Variants in FGD2 observed in about 807,000 individuals in gnomAD.
The protein encoded by FGD2 is FYVE, RhoGEF and PH domain containing 2, also known as FYVE, RhoGEF and PH domain-containing protein 2.
Under a neutral mutation model 75.9 loss-of-function variants are expected in FGD2, and 52 were observed. The observed-to-expected ratio is 0.69, with a 90% confidence interval of 0.55 to 0.86. The LOEUF is 0.86. Ranked by LOEUF, FGD2 falls within the 40% of genes least tolerant of loss-of-function variation. The probability of loss-of-function intolerance (pLI) is 0.00; values close to 1 mark genes in which losing one functional copy is unlikely to be tolerated. For synonymous variants in FGD2, 347 were observed against 348.6 expected (o/e 1.00, Z 0.05); for missense variants, 790 against 872.0 (o/e 0.91, Z 1.18).
intron 9 of FGD2, among the ~76,000 whole-genome samples, chr6:37,019,103 T>C (rs967188443): frequency 6.6e-5 from 10 of 152,182 alleles, no homozygotes; most frequent in Non-Finnish European, 1.5e-4. Flanking sequence ...AAACCTTGGA[T>C]TTCTCCCTTC....
Position 37,020,757 on chromosome 6 carries a change from G to A in FGD2, c.1233+18G>A, listed in dbSNP as rs1439706838. 6.4e-7 allele frequency: 1 copy of A among 1,559,510 alleles called. No homozygotes were observed. Among genetic ancestry groups the A allele is most frequent in the African/African-American group, 1.4e-5 (1 of 73,450 alleles). ...GGATGCAGGTATGGGAACGCTCCGA[G>A]GCTTCTGGGAGTCTTTTTCCTTTCT... On this transcript the variant is annotated intron_variant, in intron 11 of 15. Transcript: ENST00000274963.
chr6:37,005,826 G>A lies in FGD2; in HGVS notation c.9G>A (p.Gly3=). The change falls in exon 1 of 16, where the codon GGG becomes GGA. Residue 3 remains glycine (G), a synonymous_variant. Transcript: ENST00000274963. ...CCCCGGAAACCGGCAGGATGAAGGG[G>A]GCAAGTGAGGAGAAGCTGGCATCTG... MK[G]ASEEKLASVS... is the part of the protein sequence containing the mutation. The A allele has an allele frequency of 6.2e-7, 1 of 1,613,862 alleles. No individual in the cohort carries two copies. Among genetic ancestry groups the A allele is most frequent in the South Asian group, 1.1e-5 (1 of 90,894 alleles).
At chr6:37,021,649 A>C in intron 12 of FGD2, 45 bp downstream of exon 12, 6 of 1,522,958 alleles carry the variant, frequency 3.9e-6, no homozygotes, top group Non-Finnish European at 5.4e-6. Flanking sequence ...ACCAACCCAA[A>C]TAGAGCTTGT....
chr6:37,026,951 T>C (rs1171108923), intron 14 of FGD2, among the ~76,000 whole-genome samples: 1 of 151,134 alleles, frequency 6.6e-6, no homozygotes, highest in Non-Finnish European at 1.5e-5. Flanking sequence ...GAGGTTGCAA[T>C]GTGTTGAGAT....
chr6:37,015,937 C>T lies in FGD2; in HGVS notation c.1122+77C>T, dbSNP rs563250382. The T allele has an allele frequency of 3.3e-5, 44 of 1,335,386 alleles. No individual in the cohort carries two copies. In the African/African-American group the frequency reaches 6.1e-4, roughly 19 times the overall value. The allele number at this position is 1,335,386 out of a possible 1,614,324, so 82.7% of individuals were successfully genotyped here. On this transcript the variant is annotated intron_variant, in intron 9 of 15. Transcript: ENST00000274963. Reference sequence around the variant, plus strand: ...TACAGGGAGTAAGAGGAGGGGCCAACCAGGTTCTCAATCACAGAACCAAAC... The same window carrying T: ...TACAGGGAGTAAGAGGAGGGGCCAATCAGGTTCTCAATCACAGAACCAAAC...
At chr6:37,014,747 C>A (rs1420061734) in intron 7 of FGD2, 43 bp downstream of exon 7, 1 of 1,612,852 alleles carries the variant, frequency 6.2e-7, no homozygotes, top group South Asian at 1.1e-5. Flanking sequence ...CCCCTCCCTG[C>A]AGGTCTCAGC....
At chr6:37,011,953 G>T (rs1765032578) in intron 4 of FGD2, 99 bp downstream of exon 4, 2 of 1,374,952 alleles carry the variant, frequency 1.5e-6, no homozygotes, top group Non-Finnish European at 1.9e-6. Context: ...CTAGGCCCAG[G>T]CCCTTATTGT....
chr6:37,011,314 G>A (rs965879018), intron 3 of FGD2: 18 of 571,352 alleles, frequency 3.2e-5, no homozygotes, highest in South Asian at 2.1e-4. Context: ...TGGCCTACAC[G>A]GTATCTTCAT....
In FGD2 at chr6:37,011,347, C is replaced by T. The variant is rs1764996117; in HGVS notation, c.378+297C>T. ...CATCTGTCATCTCAATGCCCACAACCTCACAACGATCTTACCTTTCATAGT... is the reference window on the plus strand; with the variant it reads ...CATCTGTCATCTCAATGCCCACAACTTCACAACGATCTTACCTTTCATAGT... On this transcript the variant is annotated intron_variant, in intron 3 of 15. Transcript: ENST00000274963. 5.4e-6 allele frequency: 3 copies of T among 559,776 alleles called. No homozygotes were observed. The Admixed American group carries it at 9.4e-5, about 18-fold the overall frequency. 34.7% of individuals were successfully genotyped at this position (559,776 alleles called of 1,614,324 possible). A position where few individuals can be genotyped will look rare whatever the true frequency, so the allele number is the denominator to read the frequency against.
intron 6 of FGD2, 24 bp from the exon 7 acceptor site, chr6:37,014,622 A>G (rs1379678509): frequency 1.2e-6 from 2 of 1,613,014 alleles, no homozygotes; most frequent in Middle Eastern, 1.7e-4. Flanking sequence ...CTCAGGGAAT[A>G]AACTCCGGCC....
In FGD2 at chr6:37,028,429, A is replaced by G. The variant is rs1237751741; in HGVS notation, c.*266A>G. 6.6e-6 allele frequency: 3 copies of G among 455,788 alleles called. No homozygotes were observed. The highest frequency in any genetic ancestry group is 1.2e-5 in the Non-Finnish European group (3 of 255,408). The allele number at this position is 455,788 out of a possible 1,614,324, so 28.2% of individuals were successfully genotyped here. On this transcript the variant is annotated 3_prime_UTR_variant, in exon 16 of 16. Coordinates refer to ENST00000274963, the MANE Select transcript of FGD2 (RefSeq NM_173558.4). The stretch of plus-strand genomic sequence containing the variant: ...TGGGACTTCCAGTGCTAAAACTGGG[A>G]AAGCCCCAGGTAACCCCGGACTGGT...
intron 12 of FGD2, 151 bp downstream of exon 12, chr6:37,021,755 C>CCCCGA: frequency 1.4e-6 from 1 of 698,694 alleles, no homozygotes; most frequent in Non-Finnish European, 2.4e-6. Context: ...CCAGCGCATC[C>CCCCGA]CCCGACTCAG....
At chr6:37,021,448 G>A (rs1765586592) in intron 11 of FGD2, 64 bp from the exon 12 acceptor site, 1 of 1,436,022 alleles carries the variant, frequency 7.0e-7, no homozygotes, top group Non-Finnish European at 9.6e-7. Context: ...CGGAAGGATG[G>A]ACAGAGGAGC....
intron 9 of FGD2, among the ~76,000 whole-genome samples, chr6:37,017,940 T>A (rs902969952): frequency 1.6e-4 from 24 of 152,152 alleles, no homozygotes; most frequent in African/African-American, 3.4e-4. Flanking sequence ...CTGACTGAAG[T>A]CTTTTAGGAG....
At chr6:37,007,996 G>A (rs781245827) in intron 1 of FGD2, among the ~76,000 whole-genome samples, 3 of 152,184 alleles carry the variant, frequency 2.0e-5, no homozygotes, top group African/African-American at 7.2e-5. Flanking sequence ...GGAAGCAGTC[G>A]CCTGATTTGA....
chr6:37,011,563 C>A (rs977428583), intron 3 of FGD2, 143 bp from the exon 4 acceptor site: 2 of 1,162,348 alleles, frequency 1.7e-6, no homozygotes, highest in Non-Finnish European at 2.5e-6. Context: ...CCCCTGCCTT[C>A]TTTTCCCGGG....
chr6:37,012,512 G>A (rs1177344417), intron 4 of FGD2, among the ~76,000 whole-genome samples: 1 of 151,916 alleles, frequency 6.6e-6, no homozygotes, highest in African/African-American at 2.4e-5. Context: ...AAGAGTTTGA[G>A]ACCACTCTGG....
intron 7 of FGD2, 53 bp downstream of exon 7, chr6:37,014,757 C>T: frequency 6.2e-7 from 1 of 1,611,352 alleles, no homozygotes; most frequent in Non-Finnish European, 8.5e-7. Context: ...CAGGTCTCAG[C>T]CTGGTCCCAC....
intron 9 of FGD2, among the ~76,000 whole-genome samples, chr6:37,016,391 C>A (rs575753999): frequency 6.6e-6 from 1 of 152,110 alleles, no homozygotes; most frequent in Non-Finnish European, 1.5e-5. Flanking sequence ...GTCAGCTCAG[C>A]GGCTGGCTTG....
Sources: allele counts gnomAD v4.1 joint callset (sites outside exome capture counted in the v4.1 genomes callset), GRCh38; gene constraint gnomAD v4.1.1; transcripts MANE v1.5; gene names NCBI Gene and HGNC (gene_info 2026-07-23, HGNC 2026-07-21).